The following POMK variants were observed in gnomAD, a reference collection of about 807,000 sequenced individuals.
POMK encodes the protein Sugen kinase 196.
Under a neutral mutation model 23.0 loss-of-function variants are expected in POMK, and 19 were observed. That is an observed-to-expected ratio of 0.83 (90% CI 0.58 to 1.21). The LOEUF is 1.21. POMK is among the 50% of genes most tolerant of loss of function. The pLI, the probability that POMK is intolerant of heterozygous loss-of-function variation, is 0.00. For missense variants in POMK, 410 were observed against 431.3 expected (o/e 0.95, Z 0.44); for synonymous variants, 173 against 171.6 (o/e 1.01, Z -0.06).
At chr8:43,115,568 C>T (rs1223576662) in intron 4 of POMK, among the ~76,000 whole-genome samples, 1 of 152,166 alleles carries the variant, frequency 6.6e-6, no homozygotes, top group Non-Finnish European at 1.5e-5. Flanking sequence ...AATTTGACCA[C>T]TCCTCAGGCT....
chr8:43,100,126 G>A (rs1811408327), intron 2 of POMK, among the ~76,000 whole-genome samples: 1 of 152,178 alleles, frequency 6.6e-6, no homozygotes, highest in Admixed American at 6.5e-5. Flanking sequence ...GGATGGAAGT[G>A]CCATGAGTGC....
chr8:43,098,494 A>G (rs565293098), intron 2 of POMK, among the ~76,000 whole-genome samples: 2 of 152,286 alleles, frequency 1.3e-5, no homozygotes, highest in African/African-American at 4.8e-5. Flanking sequence ...TGGATGTACC[A>G]CATTTTGTCT....
intron 4 of POMK, among the ~76,000 whole-genome samples, chr8:43,118,742 A>C (rs1342755471): frequency 1.3e-5 from 2 of 152,228 alleles, no homozygotes; most frequent in African/African-American, 4.8e-5. Flanking sequence ...AACAAAAATG[A>C]ATGAGACACA....
chr8:43,114,661 G>C (rs921514116), intron 4 of POMK, among the ~76,000 whole-genome samples: 1 of 152,252 alleles, frequency 6.6e-6, no homozygotes, highest in African/African-American at 2.4e-5. Context: ...AGGTGAACCT[G>C]GTACCTCAGA....
intron 4 of POMK, among the ~76,000 whole-genome samples, chr8:43,113,642 G>A (rs767038959): frequency 1.1e-4 from 17 of 152,240 alleles, no homozygotes; most frequent in South Asian, 4.1e-4. Context: ...GCTTTTTTCC[G>A]TTGCTGGTGA....
At chr8:43,099,010 G>T (rs1047826739) in intron 2 of POMK, among the ~76,000 whole-genome samples, 4 of 152,138 alleles carry the variant, frequency 2.6e-5, no homozygotes, top group African/African-American at 9.7e-5. Context: ...GTTGTGGCAC[G>T]ATCACAGCTC....
rs531027979 is a variant in POMK, at chr8:43,114,336, C to T, written c.283-7771C>T. Among the ~76,000 whole-genome samples, 18 of 152,336 alleles carry T rather than the reference C, an allele frequency of 1.2e-4. No individual in the cohort carries two copies. In the South Asian group the frequency reaches 1.7e-3, roughly 14 times the overall value. On this transcript the variant is annotated intron_variant, in intron 4 of 4. Transcript: ENST00000331373. ...ATGGCGGGCACCCCTCCCCCAGGCT[C>T]GCTGCGGCCTTGCAGTTTGATCTCA... is the stretch of plus-strand genomic sequence containing the variant.
intron 2 of POMK, among the ~76,000 whole-genome samples, chr8:43,098,359 T>C: frequency 6.6e-6 from 1 of 152,198 alleles, no homozygotes; most frequent in East Asian, 1.9e-4. Flanking sequence ...TTCATGTAAA[T>C]GGAATCTTAC....
intron 4 of POMK, among the ~76,000 whole-genome samples, chr8:43,114,284 C>A (rs1455051584): frequency 1.3e-5 from 2 of 152,234 alleles, no homozygotes; most frequent in Non-Finnish European, 2.9e-5. Flanking sequence ...TTCCCGGCTG[C>A]TTTGTTTACC....
intron 3 of POMK, among the ~76,000 whole-genome samples, 184 bp downstream of exon 3, chr8:43,102,784 C>A (rs1242165747): frequency 6.6e-6 from 1 of 152,236 alleles, no homozygotes; most frequent in African/African-American, 2.4e-5. Context: ...CTTCAGGCTT[C>A]TCCGCAGCCA....
At chr8:43,105,168 A>G (rs925416109) in intron 4 of POMK, among the ~76,000 whole-genome samples, 2 of 152,196 alleles carry the variant, frequency 1.3e-5, no homozygotes, top group Non-Finnish European at 2.9e-5. Context: ...TCAAACATGT[A>G]TCACTTCTTT....
chr8:43,122,154 C>T lies in POMK; in HGVS notation c.330C>T (p.Leu110=), dbSNP rs761917014. Residue 110 remains leucine, a synonymous_variant, in exon 5 of 5, where the codon CTC becomes CTT. Coordinates refer to ENST00000331373, the MANE Select transcript of POMK (RefSeq NM_032237.5). ...WKEHKVALSQ[L]TSLEMKDDFL... ...AGCACAAAGTTGCACTCTCACAGCT[C>T]ACCAGCCTGGAGATGAAAGATGATT... 45 of 1,614,062 alleles carry T rather than the reference C, an allele frequency of 2.8e-5. No individual in the cohort carries two copies. The highest frequency in any genetic ancestry group is 3.7e-5 in the Non-Finnish European group (44 of 1,180,034).
intron 4 of POMK, among the ~76,000 whole-genome samples, chr8:43,115,413 T>C (rs889630749): frequency 2.0e-5 from 3 of 152,220 alleles, no homozygotes; most frequent in Non-Finnish European, 4.4e-5. Context: ...CAGATCTCCC[T>C]CAGAGCCTAC....
At chr8:43,108,631 TTC>T (rs1372731473) in intron 4 of POMK, among the ~76,000 whole-genome samples, 1 of 152,232 alleles carries the variant, frequency 6.6e-6, no homozygotes, top group Non-Finnish European at 1.5e-5. Flanking sequence ...TGCATTTAAC[TTC>T]TGTTTGATAT....
chr8:43,111,302 G>A (rs949685079), intron 4 of POMK, among the ~76,000 whole-genome samples: 1 of 152,188 alleles, frequency 6.6e-6, no homozygotes, highest in East Asian at 1.9e-4. Flanking sequence ...AGGGTCCTAC[G>A]CCCATGGAGC....
At chr8:43,117,816 C>G (rs139093538) in intron 4 of POMK, among the ~76,000 whole-genome samples, 1 of 152,138 alleles carries the variant, frequency 6.6e-6, no homozygotes, top group South Asian at 2.1e-4. Context: ...TTCTATCATG[C>G]GCTGCTGGTG....
At chr8:43,107,681 C>G (rs1286345282) in intron 4 of POMK, among the ~76,000 whole-genome samples, 2 of 139,318 alleles carry the variant, frequency 1.4e-5, no homozygotes, top group Non-Finnish European at 3.1e-5. Flanking sequence ...GGCAAGAATA[C>G]TTTTTTTTTT....
At chr8:43,119,294 T>G (rs535195465) in intron 4 of POMK, among the ~76,000 whole-genome samples, 2 of 152,276 alleles carry the variant, frequency 1.3e-5, no homozygotes, top group African/African-American at 4.8e-5. Context: ...ATTATCAGAT[T>G]CAGTGGGATG....
chr8:43,111,671 C>G (rs371648232), intron 4 of POMK, among the ~76,000 whole-genome samples: 209 of 152,336 alleles, frequency 1.4e-3, no homozygotes, highest in Middle Eastern at 3.4e-3. Flanking sequence ...AGGCACCCCC[C>G]AGTAGGGGCA....
Sources: allele counts gnomAD v4.1 joint callset (sites outside exome capture counted in the v4.1 genomes callset), GRCh38; gene constraint gnomAD v4.1.1; transcripts MANE v1.5; gene names NCBI Gene and HGNC (gene_info 2026-07-23, HGNC 2026-07-21).